The following BOD1L1 variants were observed in gnomAD, a reference collection of about 807,000 sequenced individuals.
BOD1L1 encodes biorientation of chromosomes in cell division 1 like 1, also known as biorientation of chromosomes in cell division protein 1-like 1.
In BOD1L1, 86 loss-of-function variants were observed where a neutral mutation model predicts 240.7. That is an observed-to-expected ratio of 0.36 (90% CI 0.30 to 0.43). BOD1L1 has a LOEUF of 0.43. BOD1L1 is among the 20% of genes least tolerant of loss of function. BOD1L1 has a pLI of 1.00. For synonymous variants in BOD1L1, 1,268 were observed against 1,272.3 expected, an observed-to-expected ratio of 1.00 and a Z score of 0.07; for missense variants, 3,554 against 3,643.5, an observed-to-expected ratio of 0.98 and a Z score of 0.63.
rs1251374324 is a variant in BOD1L1 at position 13,588,718 on chromosome 4, G to A, written c.8280+4C>T. On this transcript the variant is annotated splice_donor_region_variant and intron_variant, in intron 15 of 25. Coordinates refer to ENST00000040738, the MANE Select transcript of BOD1L1 (RefSeq NM_148894.3). ...ATCAAACACTTGAGTTTATTAAAAT[G>A]CACCTCTTTAGGATCTGCTTCAACA... 3 of 1,588,782 alleles carry A rather than the reference G, an allele frequency of 1.9e-6. No homozygotes were observed. Among genetic ancestry groups the A allele is most frequent in the Admixed American group, 1.7e-5 (1 of 57,432 alleles).
At chr4:13,597,272 T>C (rs1714704059) in intron 10 of BOD1L1, 104 bp from the exon 11 acceptor site, 2 of 793,930 alleles carry the variant, frequency 2.5e-6, no homozygotes, top group Non-Finnish European at 4.2e-6. Context: ...CTGTTGCACC[T>C]TCCTTTTCTG....
chr4:13,607,558 G>A (rs868542907), intron 8 of BOD1L1, among the ~76,000 whole-genome samples: 6 of 152,164 alleles, frequency 3.9e-5, no homozygotes, highest in South Asian at 4.1e-4. Flanking sequence ...TCTGCCTCCC[G>A]AAGTGCTGGG....
chr4:13,586,701 CAT>C (rs1205883385), intron 16 of BOD1L1, among the ~76,000 whole-genome samples: 1 of 152,184 alleles, frequency 6.6e-6, no homozygotes, highest in African/African-American at 2.4e-5. Context: ...CATATGTTCA[CAT>C]GACACCAATG....
At chr4:13,619,332 A>G (rs1227889562) in intron 2 of BOD1L1, among the ~76,000 whole-genome samples, 1 of 150,888 alleles carries the variant, frequency 6.6e-6, no homozygotes, top group African/African-American at 2.4e-5. Context: ...AAAGTAGAAG[A>G]CCGTAAATCT....
At chr4:13,620,969 A>G (rs1716993883) in intron 1 of BOD1L1, among the ~76,000 whole-genome samples, 1 of 152,176 alleles carries the variant, frequency 6.6e-6, no homozygotes, top group African/African-American at 2.4e-5. Context: ...ACAACTGATG[A>G]GAGTGCTATT....
chr4:13,592,574 G>C (rs1022693572), intron 12 of BOD1L1: 1 of 152,180 alleles, frequency 6.6e-6, no homozygotes, highest in African/African-American at 2.4e-5. Flanking sequence ...TTAGCTTCTT[G>C]ACAATTAACA....
At chr4:13,583,579 G>A (rs1713406267) in intron 17 of BOD1L1, among the ~76,000 whole-genome samples, 1 of 152,158 alleles carries the variant, frequency 6.6e-6, no homozygotes, top group Admixed American at 6.5e-5. Context: ...ACAGTCTACT[G>A]AAACAGTGGA....
chr4:13,591,430 C>G (rs1714206797), intron 13 of BOD1L1, among the ~76,000 whole-genome samples: 1 of 152,096 alleles, frequency 6.6e-6, no homozygotes, highest in Admixed American at 6.6e-5. Context: ...ATGTTCACTC[C>G]TGGTACAATA....
At chr4:13,587,480 C>T (rs1352714792) in intron 16 of BOD1L1, among the ~76,000 whole-genome samples, 1 of 152,094 alleles carries the variant, frequency 6.6e-6, no homozygotes, top group African/African-American at 2.4e-5. Context: ...TGTCTGAGAT[C>T]CAGCGGTTGG....
Position 13,600,120 on chromosome 4 carries a change from C to T in BOD1L1, c.6780G>A (p.Ser2260=), listed in dbSNP as rs143265642. 6.0e-5 allele frequency: 97 copies of T among 1,613,968 alleles called. No individual in the cohort carries two copies. Among genetic ancestry groups the T allele is most frequent in the African/African-American group, 5.3e-4 (40 of 75,036 alleles). The change falls in exon 10 of 26, where the codon TCG becomes TCA. Residue 2260 remains serine (S), a synonymous_variant. Coordinates refer to ENST00000040738, the MANE Select transcript of BOD1L1 (RefSeq NM_148894.3). ...KDGSGIISTS[S]VEDCEGPVSS... is the part of the protein sequence containing the mutation. ...ACACTGGGCCCTCACAGTCTTCCAC[C>T]GAGCTCGTAGAGATGATGCCACTCC... is the stretch of plus-strand genomic sequence containing the variant.
chr4:13,607,030 A>C, intron 9 of BOD1L1, 87 bp downstream of exon 9: 1 of 935,648 alleles, frequency 1.1e-6, no homozygotes, highest in East Asian at 3.4e-5. Context: ...GAAAAAAGTC[A>C]AATTACATTC....
chr4:13,584,272 C>CA (rs1713469019), intron 17 of BOD1L1, among the ~76,000 whole-genome samples: 1 of 152,134 alleles, frequency 6.6e-6, no homozygotes, highest in Admixed American at 6.5e-5. Context: ...CTGTTATCAG[C>CA]ACATCAACAC....
At chr4:13,616,775 G>A (rs1716632059) in intron 2 of BOD1L1, among the ~76,000 whole-genome samples, 1 of 151,938 alleles carries the variant, frequency 6.6e-6, no homozygotes, top group Admixed American at 6.6e-5. Flanking sequence ...CTACTTATGT[G>A]GGCCATAGAG....
intron 12 of BOD1L1, 190 bp from the exon 13 acceptor site, chr4:13,592,156 T>C (rs1714268722): frequency 2.0e-6 from 1 of 504,778 alleles, no homozygotes; most frequent in African/African-American, 2.0e-5. Context: ...CAGAATATAC[T>C]ACCAGAAAAA....
In BOD1L1 at chr4:13,601,819, C is replaced by A; in HGVS notation, c.5081G>T (p.Gly1694Val). 1 of 1,614,002 alleles carries A rather than the reference C, an allele frequency of 6.2e-7. No individual in the cohort carries two copies. The highest frequency in any genetic ancestry group is 8.5e-7 in the Non-Finnish European group (1 of 1,179,898). The change falls in exon 10 of 26, where the codon GGA becomes GTA. Residue 1694 changes from glycine (G) to valine (V), a missense_variant. Gly to Val is a moderately radical substitution (Grantham distance 109). This residue lies in a region of BOD1L1 where 3,393 missense variants were observed against 3,427.1 expected (regional missense o/e 0.99). Transcript: ENST00000040738. The part of the protein sequence containing the change: ...VESDGAVTSA[G>V]TEIRAGSISS... ...TATAGATCCTGCTCTTATCTCTGTTCCAGCACTTGTAACTGCTCCATCACT... is the reference window on the plus strand; with the variant it reads ...TATAGATCCTGCTCTTATCTCTGTTACAGCACTTGTAACTGCTCCATCACT...
Position 13,610,992 on chromosome 4 carries a change from G to C in BOD1L1, c.1433C>G (p.Ser478Ter). ...ATCATCAGAATCACTATAGTATTTT[G>C]AGTAAAGATATGGTTTGTGGACATA... ...HAYVHKPYLY[S>*]KYYSDSDDEL... Residue 478 changes from serine (S) to a stop codon, truncating the protein, a stop_gained, in exon 6 of 26, where the codon TCA (serine) becomes TGA (stop). Coordinates refer to ENST00000040738, the MANE Select transcript of BOD1L1 (RefSeq NM_148894.3). LOFTEE classifies it high-confidence loss of function. 6.2e-7 allele frequency: 1 copy of C among 1,612,816 alleles called. No homozygotes were observed. Among genetic ancestry groups the C allele is most frequent in the Non-Finnish European group, 8.5e-7 (1 of 1,179,256 alleles).
In BOD1L1 at chr4:13,614,472, A is replaced by G. The variant is rs1299951295; in HGVS notation, c.898T>C (p.Leu300=). 1 of 1,613,390 alleles carries G rather than the reference A, an allele frequency of 6.2e-7. No individual in the cohort carries two copies. The change falls in exon 4 of 26, where the codon TTA becomes CTA. Residue 300 remains leucine, a synonymous_variant. Transcript: ENST00000040738. ...IKNYTKEHNN[L]ILLNKDVQQE... ...TGAACATCCTTATTTAGCAGAATTA[A>G]ATTATTATGCTCTTTTGTGTAATTT...
In BOD1L1 at chr4:13,595,839, CA is replaced by C. The variant is rs781419838; in HGVS notation, c.8104+20del. The C allele has an allele frequency of 2.5e-6, 4 of 1,597,876 alleles. No individual in the cohort carries two copies. In the South Asian group the frequency reaches 4.5e-5, roughly 18 times the overall value. On this transcript the variant is annotated intron_variant, in intron 12 of 25. Coordinates refer to ENST00000040738, the MANE Select transcript of BOD1L1 (RefSeq NM_148894.3). Reference sequence around the variant, plus strand: ...AAGGCAAAAACAAAAACAATGTGAACAACCATTCTAAAGAGCTCACCTATTC... The same window carrying C: ...AAGGCAAAAACAAAAACAATGTGAACACCATTCTAAAGAGCTCACCTATTC...
At chr4:13,573,706 T>A (rs935043963) in intron 25 of BOD1L1, among the ~76,000 whole-genome samples, 1 of 152,022 alleles carries the variant, frequency 6.6e-6, no homozygotes, top group African/African-American at 2.4e-5. Context: ...GTACTTTTAG[T>A]AGAGATGAGG....
Sources: gnomAD v4.1 joint callset for allele counts (sites outside exome capture counted in the v4.1 genomes callset) on GRCh38, gnomAD v4.1.1 for gene constraint, gnomAD v4.1.1 regional missense constraint, MANE v1.5 for transcripts, NCBI Gene and HGNC (gene_info 2026-07-23, HGNC 2026-07-21) for gene names.